AK3: variants seen among roughly 807,000 people sequenced by gnomAD.
AK3 encodes the protein adenylate kinase 3.
In AK3, 27 loss-of-function variants were observed where a neutral mutation model predicts 23.7. That is an observed-to-expected ratio of 1.14 (90% confidence interval 0.84 to 1.57). AK3 has a LOEUF of 1.57. Ranked by LOEUF, AK3 falls within the 40% of genes most tolerant of loss-of-function variation. The pLI is 0.00. For missense variants in AK3, 406 were observed against 285.6 expected (o/e 1.42, Z -3.04); for synonymous variants, 159 against 116.0 (o/e 1.37, Z -2.38).
chr9:4,732,860 C>G (rs1003460118), intron 1 of AK3, among the ~76,000 whole-genome samples: 1 of 135,736 alleles, frequency 7.4e-6, no homozygotes, highest in Non-Finnish European at 1.6e-5. Flanking sequence ...TAACAGTTCT[C>G]TCTCTCTCTC....
intron 1 of AK3, among the ~76,000 whole-genome samples, chr9:4,722,907 T>A (rs1297335038): frequency 6.6e-6 from 1 of 152,084 alleles, no homozygotes. Context: ...AATAAAAAAA[T>A]TAGCCGGACA....
At chr9:4,733,985 C>T (rs1417354106) in intron 1 of AK3, among the ~76,000 whole-genome samples, 2 of 152,230 alleles carry the variant, frequency 1.3e-5, no homozygotes, top group African/African-American at 4.8e-5. Flanking sequence ...CATATCACTC[C>T]AATGACCGTG....
intron 1 of AK3, among the ~76,000 whole-genome samples, chr9:4,725,783 G>A (rs999714833): frequency 5.3e-5 from 8 of 152,212 alleles, no homozygotes; most frequent in South Asian, 2.1e-4. Flanking sequence ...TTTCTTCAAC[G>A]ATATACAAAT....
intron 1 of AK3, among the ~76,000 whole-genome samples, chr9:4,734,022 T>C (rs1842213933): frequency 6.6e-6 from 1 of 152,180 alleles, no homozygotes; most frequent in Non-Finnish European, 1.5e-5. Context: ...GATGGAAGTA[T>C]GTCTCCCCTA....
At chr9:4,727,440 G>C (rs910206125) in intron 1 of AK3, among the ~76,000 whole-genome samples, 2 of 152,208 alleles carry the variant, frequency 1.3e-5, no homozygotes, top group Non-Finnish European at 2.9e-5. Context: ...TCCTGTTATA[G>C]AGACGGCTTC....
intron 4 of AK3, among the ~76,000 whole-genome samples, chr9:4,717,616 C>T (rs948280995): frequency 7.2e-5 from 11 of 152,164 alleles, no homozygotes; most frequent in Non-Finnish European, 1.3e-4. Flanking sequence ...TATGATGGTG[C>T]GAAAGCAACA....
rs1266163225 is a variant in AK3 at position 4,741,057 on chromosome 9, C to A, written c.31G>T (p.Val11Leu). The A allele has an allele frequency of 3.8e-6, 6 of 1,562,498 alleles. No homozygotes were observed. The Admixed American group carries it at 5.7e-5, about 15-fold the overall frequency. Residue 11 changes from valine to leucine, a missense_variant, in exon 1 of 5, where the codon GTG becomes TTG. Transcript: ENST00000381809. Reference sequence around the variant, plus strand: ...CCCGAGCCCGGGGCCCCCATGATCACCGCTCGCAGCAGCCGCGCGGACGCC... The same window carrying A: ...CCCGAGCCCGGGGCCCCCATGATCAACGCTCGCAGCAGCCGCGCGGACGCC... MGASARLLRA[V>L]IMGAPGSGKG...
Position 4,712,454 on chromosome 9 carries a change from C to T in AK3, c.*522G>A, listed in dbSNP as rs1464152234. The T allele has an allele frequency of 6.6e-6, 1 of 152,218 alleles. No individual in the cohort carries two copies. The highest frequency in any genetic ancestry group is 1.5e-5 in the Non-Finnish European group (1 of 68,084). The allele number at this position is 152,218 out of a possible 1,614,324, so 9.4% of individuals were successfully genotyped here. On this transcript the variant is annotated 3_prime_UTR_variant, in exon 5 of 5. Coordinates refer to ENST00000381809, the MANE Select transcript of AK3 (RefSeq NM_016282.4). ...ACATATACATTTCTTAGTGTAAAGG[C>T]AGCAGTGAATTTGTGTCTCACAATA...
At chr9:4,726,373 T>C (rs998565108) in intron 1 of AK3, among the ~76,000 whole-genome samples, 6 of 152,234 alleles carry the variant, frequency 3.9e-5, no homozygotes, top group African/African-American at 1.4e-4. Flanking sequence ...CTGTAGTCTA[T>C]CCTCTCAGAC....
At chr9:4,726,285 T>C (rs1842022244) in intron 1 of AK3, among the ~76,000 whole-genome samples, 1 of 152,174 alleles carries the variant, frequency 6.6e-6, no homozygotes, top group African/African-American at 2.4e-5. Flanking sequence ...CAACTGACTC[T>C]TCTTTTCACC....
chr9:4,720,280 A>G (rs1322917224), intron 2 of AK3, among the ~76,000 whole-genome samples: 3 of 152,236 alleles, frequency 2.0e-5, no homozygotes, highest in Non-Finnish European at 4.4e-5. Context: ...GGGAATTTAA[A>G]ATAATACTTT....
Position 4,740,961 on chromosome 9 carries a change from G to A in AK3, c.127C>T (p.Arg43Trp), listed in dbSNP as rs757859480. Residue 43 changes from arginine to tryptophan, a missense_variant, in exon 1 of 5, where the codon CGG becomes TGG. By Grantham distance (101) the Arg-to-Trp change is moderately radical. Transcript: ENST00000381809. ...CCTGTGCCCCGCAGCATGTTGTCCCGGAGCAGGTCCCCGCTGGAGAGGTGC... is the reference window on the plus strand; with the variant it reads ...CCTGTGCCCCGCAGCATGTTGTCCCAGAGCAGGTCCCCGCTGGAGAGGTGC... ...LKHLSSGDLLRDNMLRGTEIG... is the reference protein window; with the variant it reads ...LKHLSSGDLLWDNMLRGTEIG... The A allele has an allele frequency of 1.3e-6, 2 of 1,581,966 alleles. No individual in the cohort carries two copies. The highest frequency in any genetic ancestry group is 2.5e-5 in the East Asian group (1 of 40,578).
At chr9:4,728,554 G>C (rs1408101489) in intron 1 of AK3, among the ~76,000 whole-genome samples, 5 of 152,118 alleles carry the variant, frequency 3.3e-5, no homozygotes, top group African/African-American at 9.7e-5. Flanking sequence ...CTGGGCAACA[G>C]AGTGAAACTG....
chr9:4,714,021 T>TAC (rs1220603056), intron 4 of AK3, among the ~76,000 whole-genome samples: 3 of 20,856 alleles, frequency 1.4e-4, no homozygotes, highest in African/African-American at 3.6e-4. Context: ...CCTACACATA[T>TAC]ACAGCTACAC....
intron 1 of AK3, among the ~76,000 whole-genome samples, chr9:4,728,465 G>C (rs987145461): frequency 6.6e-6 from 1 of 152,170 alleles, no homozygotes; most frequent in Non-Finnish European, 1.5e-5. Context: ...CAGCTACCTG[G>C]GAGGCTGAGG....
chr9:4,718,594 A>G, intron 3 of AK3, 57 bp from the exon 4 acceptor site: 1 of 1,322,354 alleles, frequency 7.6e-7, no homozygotes, highest in South Asian at 1.2e-5. Flanking sequence ...AGATATTTTC[A>G]TAAGCAGTTC....
chr9:4,732,062 A>C (rs1046473695), intron 1 of AK3, among the ~76,000 whole-genome samples: 1 of 151,962 alleles, frequency 6.6e-6, no homozygotes, highest in Non-Finnish European at 1.5e-5. Context: ...TGATCCTCCC[A>C]CCTCAACCTC....
intron 4 of AK3, among the ~76,000 whole-genome samples, chr9:4,715,841 G>T (rs1841711763): frequency 6.6e-6 from 1 of 152,168 alleles, no homozygotes; most frequent in Non-Finnish European, 1.5e-5. Flanking sequence ...GGTTACCTTT[G>T]GGAAATAACC....
chr9:4,741,529 C>T (rs980875862), upstream of AK3, among the ~76,000 whole-genome samples: 5 of 152,092 alleles, frequency 3.3e-5, no homozygotes, highest in African/African-American at 1.2e-4. Context: ...CCCGGAACCC[C>T]GCGCCCTGTC....
Sources: gnomAD v4.1 joint callset for allele counts (sites outside exome capture counted in the v4.1 genomes callset) on GRCh38, gnomAD v4.1.1 for gene constraint, MANE v1.5 for transcripts, NCBI Gene and HGNC (gene_info 2026-07-23, HGNC 2026-07-21) for gene names.